RPS17: variants seen among roughly 807,000 people sequenced by gnomAD.
RPS17 encodes the protein ribosomal protein S17.
For synonymous variants in RPS17, 75 were observed against 65.6 expected, an observed-to-expected ratio of 1.14 and a Z score of -0.70; for missense variants, 68 against 182.3, an observed-to-expected ratio of 0.37 and a Z score of 3.61.
chr15:82,539,409 C>T (rs2034302567), intron 2 of RPS17: 1 of 461,398 alleles, frequency 2.2e-6, no homozygotes, highest in South Asian at 1.5e-5. Flanking sequence ...GACATCCAGC[C>T]GGGCGAGGTG....
At chr15:82,538,854 G>A (rs1283082218) in intron 3 of RPS17, 26 bp downstream of exon 3, 5 of 1,610,838 alleles carry the variant, frequency 3.1e-6, no homozygotes, top group Non-Finnish European at 4.2e-6. Flanking sequence ...GGATTAGCCA[G>A]AAGCCCAAAT....
intron 4 of RPS17, chr15:82,538,006 C>G: frequency 2.1e-6 from 1 of 487,780 alleles, no homozygotes; most frequent in Non-Finnish European, 4.1e-6. Flanking sequence ...CAGGCAGATT[C>G]AGCCAGGGCT....
chr15:82,540,218 G>T (rs2034323919), intron 1 of RPS17, 86 bp from the exon 2 acceptor site: 1 of 1,611,226 alleles, frequency 6.2e-7, no homozygotes, highest in Non-Finnish European at 8.5e-7. Context: ...GGTGTGGTTG[G>T]GGACCGCCGG....
At chr15:82,539,914 A>G in intron 2 of RPS17, 67 bp downstream of exon 2, 1 of 1,611,290 alleles carries the variant, frequency 6.2e-7, no homozygotes, top group East Asian at 2.2e-5. Flanking sequence ...TCTCTTCCCG[A>G]GTCGGAGGGC....
intron 4 of RPS17, chr15:82,537,309 C>A: frequency 3.4e-6 from 1 of 293,618 alleles, no homozygotes; most frequent in Non-Finnish European, 6.6e-6. Flanking sequence ...TATCCCCTGG[C>A]TATGAGAACG....
chr15:82,539,842 G>C, intron 2 of RPS17, 139 bp downstream of exon 2: 5 of 1,420,158 alleles, frequency 3.5e-6, no homozygotes, highest in Non-Finnish European at 5.0e-6. Flanking sequence ...TGCACACGCA[G>C]AGCTCTAGCC....
At chr15:82,539,494 C>A (rs2034304755) in intron 2 of RPS17, 4 of 458,208 alleles carry the variant, frequency 8.7e-6, no homozygotes, top group Non-Finnish European at 1.7e-5. Context: ...TCGAGACCAG[C>A]CTGGTCAACA....
chr15:82,539,229 G>GCCCC, intron 2 of RPS17: 1 of 592,748 alleles, frequency 1.7e-6, no homozygotes, highest in South Asian at 1.6e-5. Flanking sequence ...CCCCCAACTC[G>GCCCC]CCCCGCCCCG....
At chr15:82,539,749 G>T (rs959819158) in intron 2 of RPS17, 53 of 687,334 alleles carry the variant, frequency 7.7e-5, no homozygotes, top group Non-Finnish European at 4.1e-5. Context: ...TAGCTTCAAA[G>T]CAAGAGGTCT....
chr15:82,540,305 C>G, intron 1 of RPS17, 121 bp downstream of exon 1: 1 of 1,584,716 alleles, frequency 6.3e-7, no homozygotes, highest in Non-Finnish European at 8.6e-7. Context: ...GCCCGTTGCG[C>G]TCCAGCCTGA....
intron 4 of RPS17, 117 bp downstream of exon 4, chr15:82,538,189 A>G: frequency 8.8e-7 from 1 of 1,130,228 alleles, no homozygotes. Context: ...TAGTGGCTAC[A>G]AGTTTAGATG....
In RPS17 at chr15:82,536,885, G is replaced by T; in HGVS notation, c.328-4C>A. 1 of 1,613,976 alleles carries T rather than the reference G, an allele frequency of 6.2e-7. No homozygotes were observed. The highest frequency in any genetic ancestry group is 8.5e-7 in the Non-Finnish European group (1 of 1,179,880). On this transcript the variant is annotated splice_region_variant and splice_polypyrimidine_tract_variant and intron_variant, in intron 4 of 4. Transcript: ENST00000647841. Reference sequence around the variant, plus strand: ...GGTTGGACAGACTGCCGAAGTCCTGGAACGAGAAAATGGATTCAGTGAGCA... The same window carrying T: ...GGTTGGACAGACTGCCGAAGTCCTGTAACGAGAAAATGGATTCAGTGAGCA...
At chr15:82,539,119 G>C (rs2034294242) in intron 2 of RPS17, 134 bp from the exon 3 acceptor site, 1 of 894,814 alleles carries the variant, frequency 1.1e-6, no homozygotes, top group Non-Finnish European at 1.9e-6. Flanking sequence ...TCACTATCCT[G>C]GGACCTCCTA....
In RPS17 at chr15:82,540,415, A is replaced by G; in HGVS notation, c.3+11T>C. 2.5e-6 allele frequency: 4 copies of G among 1,596,088 alleles called. No individual in the cohort carries two copies. Among genetic ancestry groups the G allele is most frequent in the Admixed American group, 1.8e-5 (1 of 55,810 alleles). On this transcript the variant is annotated intron_variant, in intron 1 of 4. Coordinates refer to ENST00000647841, the MANE Select transcript of RPS17 (RefSeq NM_001021.6). ...TTGTGGAGGATGGCGGCCTCGAGCC[A>G]AAACACCTACCATGTTGGCGGGTCC...
chr15:82,539,790 G>A (rs2034311916), intron 2 of RPS17, 191 bp downstream of exon 2: 2 of 999,556 alleles, frequency 2.0e-6, no homozygotes, highest in Non-Finnish European at 3.1e-6. Context: ...CAGGGTCACC[G>A]CGGCCAGTCA....
At chr15:82,537,119 G>A (rs1409428705) in intron 4 of RPS17, 4 of 609,298 alleles carry the variant, frequency 6.6e-6, no homozygotes, top group South Asian at 1.9e-5. Flanking sequence ...TTTACCCAAT[G>A]TACCATGCCA....
intron 3 of RPS17, 93 bp from the exon 4 acceptor site, chr15:82,538,464 G>C: frequency 7.3e-7 from 1 of 1,372,422 alleles, no homozygotes; most frequent in East Asian, 2.3e-5. Flanking sequence ...ATATGGGGAA[G>C]AGGAGCTGCA....
chr15:82,539,849 A>G, intron 2 of RPS17, 132 bp downstream of exon 2: 1 of 1,446,600 alleles, frequency 6.9e-7, no homozygotes, highest in Non-Finnish European at 9.7e-7. Flanking sequence ...GCAGAGCTCT[A>G]GCCCTTCTCC....
intron 3 of RPS17, chr15:82,538,612 T>C (rs1241274370): frequency 6.1e-5 from 40 of 655,122 alleles, no homozygotes; most frequent in Non-Finnish European, 1.0e-4. Flanking sequence ...CACCAAAGAA[T>C]ACTATATTAG....
Sources: gnomAD v4.1 joint callset for allele counts on GRCh38, gnomAD v4.1.1 for gene constraint, MANE v1.5 for transcripts, NCBI Gene and HGNC (gene_info 2026-07-23, HGNC 2026-07-21) for gene names.